Variants in HS3ST3A1 observed in about 807,000 individuals in gnomAD.
HS3ST3A1 encodes the protein heparan sulfate-glucosamine 3-sulfotransferase 3A1.
Under a neutral mutation model 25.7 loss-of-function variants are expected in HS3ST3A1, and 19 were observed. That is an observed-to-expected ratio of 0.74 (90% confidence interval 0.52 to 1.08). The LOEUF (loss-of-function observed/expected upper bound fraction) is 1.08. Ranked by LOEUF, HS3ST3A1 falls within the 50% of genes least tolerant of loss-of-function variation. The probability of loss-of-function intolerance (pLI) is 0.00; values close to 1 mark genes in which losing one functional copy is unlikely to be tolerated. For synonymous variants in HS3ST3A1, 226 were observed against 278.6 expected (o/e 0.81, Z 1.88); for missense variants, 459 against 594.3 (o/e 0.77, Z 2.37).
At chr17:13,599,022 AG>A (rs1233104308) in intron 1 of HS3ST3A1, among the ~76,000 whole-genome samples, 1 of 150,622 alleles carries the variant, frequency 6.6e-6, no homozygotes, top group Non-Finnish European at 1.5e-5. Context: ...TAAGAGTTTT[AG>A]GGGTCTTTAA....
intron 1 of HS3ST3A1, among the ~76,000 whole-genome samples, chr17:13,548,799 T>C (rs1296624842): frequency 6.6e-6 from 1 of 152,130 alleles, no homozygotes; most frequent in Non-Finnish European, 1.5e-5. Flanking sequence ...AACACACCAA[T>C]CAGCACTCTG....
At chr17:13,497,873 T>A (rs1023538555) in intron 1 of HS3ST3A1, among the ~76,000 whole-genome samples, 1 of 152,266 alleles carries the variant, frequency 6.6e-6, no homozygotes, top group African/African-American at 2.4e-5. Flanking sequence ...CTTTTGTTCA[T>A]GGAATTTGTG....
chr17:13,555,273 G>T (rs149829242), intron 1 of HS3ST3A1, among the ~76,000 whole-genome samples: 22 of 152,136 alleles, frequency 1.4e-4, no homozygotes, highest in African/African-American at 5.1e-4. Context: ...TAAACCTACC[G>T]TGTTTCAAGC....
chr17:13,600,872 C>T lies in HS3ST3A1; in HGVS notation c.258G>A (p.Gln86=). ...GCGGCAGTTGCAGGAGGCGCTTTCT[C>T]TGTGCCGCCGCCGGCCACACCGCCA... The part of the protein sequence containing the change: ...RELAVWPAAA[Q]RKRLLQLPQW... Residue 86 remains glutamine, a synonymous_variant, in exon 1 of 2, where the codon CAG becomes CAA. Transcript: ENST00000284110. The T allele has an allele frequency of 2.1e-6, 3 of 1,461,084 alleles. No homozygotes were observed. Among genetic ancestry groups the T allele is most frequent in the South Asian group, 1.4e-5 (1 of 71,842 alleles). The allele number at this position is 1,461,084 out of a possible 1,614,324, so 90.5% of individuals were successfully genotyped here.
At chr17:13,534,547 CAAAAAAAAAAAAA>C (rs34383911) in intron 1 of HS3ST3A1, among the ~76,000 whole-genome samples, 51 of 32,830 alleles carry the variant, frequency 1.6e-3, no homozygotes, top group Middle Eastern at 0.036. Flanking sequence ...CTACAAAATC[CAAAAAAAAAAAAA>C]AAAAAAAAAA....
At chr17:13,583,619 C>T (rs73980226) in intron 1 of HS3ST3A1, among the ~76,000 whole-genome samples, 32,472 of 152,000 alleles carry the variant, frequency 0.21, 3,623 homozygotes, top group South Asian at 0.34. Context: ...TTTTATCAAA[C>T]TGGAAAAGAA....
intron 1 of HS3ST3A1, among the ~76,000 whole-genome samples, chr17:13,582,996 T>C (rs16948153): frequency 0.012 from 1,902 of 152,242 alleles, 41 homozygotes; most frequent in African/African-American, 0.043. Flanking sequence ...GAGAGAAAAA[T>C]GCAACTTTGT....
At chr17:13,528,611 C>T (rs759006652) in intron 1 of HS3ST3A1, among the ~76,000 whole-genome samples, 9 of 152,152 alleles carry the variant, frequency 5.9e-5, no homozygotes, top group Non-Finnish European at 1.0e-4. Flanking sequence ...CTCTAAGACA[C>T]CTTTTGTACT....
chr17:13,592,681 G>A lies in HS3ST3A1; in HGVS notation c.599+7850C>T, dbSNP rs139027847. Among the ~76,000 whole-genome samples, 528 of 152,304 alleles carry A rather than the reference G, an allele frequency of 3.5e-3. 5 individuals carry two copies. The highest frequency in any genetic ancestry group is 0.012 in the African/African-American group (506 of 41,550). On this transcript the variant is annotated intron_variant, in intron 1 of 1. Coordinates refer to ENST00000284110, the MANE Select transcript of HS3ST3A1 (RefSeq NM_006042.3). ...TTCTTGGAGTCTCTTGATGGCGTGG[G>A]TGTTGTTTTGTTTTGCTTAAGTAAA...
At chr17:13,547,944 CAA>C (rs750200323) in intron 1 of HS3ST3A1, among the ~76,000 whole-genome samples, 6,608 of 53,208 alleles carry the variant, frequency 0.12, 178 homozygotes, top group African/African-American at 0.17. Flanking sequence ...TGGTGTGAGC[CAA>C]AAAAAAAAAA....
intron 1 of HS3ST3A1, among the ~76,000 whole-genome samples, chr17:13,521,561 G>C (rs1411476569): frequency 6.6e-6 from 1 of 152,186 alleles, no homozygotes; most frequent in Non-Finnish European, 1.5e-5. Context: ...TGGACACTTA[G>C]AGAGGCATTC....
chr17:13,552,615 G>A (rs1275271115), intron 1 of HS3ST3A1, among the ~76,000 whole-genome samples: 2 of 152,178 alleles, frequency 1.3e-5, no homozygotes, highest in Middle Eastern at 3.2e-3. Flanking sequence ...GAATCCCCAT[G>A]TATACAGAAA....
intron 1 of HS3ST3A1, among the ~76,000 whole-genome samples, chr17:13,556,830 C>T (rs62053879): frequency 0.35 from 50,986 of 145,036 alleles, 11,371 homozygotes; most frequent in African/African-American, 0.65. Context: ...CCAGCCTGGG[C>T]GAAAGAGCGA....
intron 1 of HS3ST3A1, among the ~76,000 whole-genome samples, chr17:13,522,506 G>C (rs1252904743): frequency 6.6e-6 from 1 of 152,034 alleles, no homozygotes; most frequent in African/African-American, 2.4e-5. Flanking sequence ...AAATATCATG[G>C]GTCATTCAGG....
At chr17:13,510,165 T>G (rs1430787309) in intron 1 of HS3ST3A1, among the ~76,000 whole-genome samples, 1 of 152,196 alleles carries the variant, frequency 6.6e-6, no homozygotes, top group Non-Finnish European at 1.5e-5. Flanking sequence ...CCTGGCTCTG[T>G]GGTGGCTGCC....
intron 1 of HS3ST3A1, among the ~76,000 whole-genome samples, chr17:13,591,142 G>C (rs548842348): frequency 3.3e-5 from 5 of 151,330 alleles, no homozygotes; most frequent in Non-Finnish European, 7.4e-5. Context: ...TGCCTCCCGG[G>C]CTCTGGCCAT....
intron 1 of HS3ST3A1, among the ~76,000 whole-genome samples, chr17:13,547,817 G>A (rs1259021182): frequency 6.6e-6 from 1 of 152,048 alleles, no homozygotes; most frequent in Non-Finnish European, 1.5e-5. Flanking sequence ...GGGCAGCCTT[G>A]TGGGAGGGAC....
chr17:13,533,304 T>A (rs1906666724), intron 1 of HS3ST3A1, among the ~76,000 whole-genome samples: 1 of 151,930 alleles, frequency 6.6e-6, no homozygotes, highest in African/African-American at 2.4e-5. Flanking sequence ...TCTGCTACAA[T>A]CCACACACTG....
intron 1 of HS3ST3A1, among the ~76,000 whole-genome samples, chr17:13,521,924 G>A (rs535816077): frequency 1.3e-5 from 2 of 152,124 alleles, no homozygotes; most frequent in Admixed American, 1.3e-4. Flanking sequence ...CAGCATCTCT[G>A]GACTGAATAG....
Sources: allele counts gnomAD v4.1 joint callset (sites outside exome capture counted in the v4.1 genomes callset), GRCh38; gene constraint gnomAD v4.1.1; transcripts MANE v1.5; gene names NCBI Gene and HGNC (gene_info 2026-07-23, HGNC 2026-07-21).